Variants in HMCN2 observed in about 807,000 individuals in gnomAD.
HMCN2 encodes the protein hemicentin 2, also known as hemicentin-2.
A neutral mutation model predicts 377.5 loss-of-function variants in HMCN2; 325 were observed. That is an observed-to-expected ratio of 0.86 (90% CI 0.79 to 0.94). HMCN2 has a LOEUF of 0.94. Ranked by LOEUF, HMCN2 falls within the 40% of genes least tolerant of loss-of-function variation. The pLI is 0.00. For synonymous variants in HMCN2, 2,007 were observed against 2,046.8 expected, an observed-to-expected ratio of 0.98 and a Z score of 0.53; for missense variants, 4,543 against 4,725.3, an observed-to-expected ratio of 0.96 and a Z score of 1.13.
At chr9:130,348,256 G>A (rs1198186416) in intron 26 of HMCN2, among the ~76,000 whole-genome samples, 2 of 152,256 alleles carry the variant, frequency 1.3e-5, no homozygotes, top group African/African-American at 2.4e-5. Flanking sequence ...TGTGACACCA[G>A]GTTGGGTGTA....
chr9:130,341,930 A>G lies in HMCN2; in HGVS notation c.3743-420A>G, dbSNP rs1839071037. On this transcript the variant is annotated intron_variant, in intron 24 of 97. Coordinates refer to ENST00000683500, the MANE Select transcript of HMCN2 (RefSeq NM_001291815.2). ...GTGGCTCATGCCTGTAATCCCAGCAATTTGGGAGGCCGAGGTGGGTGGATC... is the reference window on the plus strand; with the variant it reads ...GTGGCTCATGCCTGTAATCCCAGCAGTTTGGGAGGCCGAGGTGGGTGGATC... Among the ~76,000 whole-genome samples the G allele has an allele frequency of 2.0e-5, 3 of 151,926 alleles. No homozygotes were observed. The South Asian group carries it at 6.2e-4, about 32-fold the overall frequency.
In HMCN2 at chr9:130,367,110, G is replaced by T. The variant is rs944763953; in HGVS notation, c.6625+1115G>T. Among the ~76,000 whole-genome samples the T allele has an allele frequency of 4.3e-4, 66 of 152,238 alleles. 2 individuals are homozygous for T. Among genetic ancestry groups the T allele is most frequent in the Middle Eastern group, 3.4e-3 (1 of 294 alleles). Reference sequence around the variant, plus strand: ...CCTGGGGCAGGAATGCTGGTTGGATGGGGGAATGAGAGGAGGCAGGGAATC... The same window carrying T: ...CCTGGGGCAGGAATGCTGGTTGGATTGGGGAATGAGAGGAGGCAGGGAATC... On this transcript the variant is annotated intron_variant, in intron 43 of 97. Transcript: ENST00000683500.
At chr9:130,284,141 T>G (rs575691078) in intron 1 of HMCN2, among the ~76,000 whole-genome samples, 1 of 152,342 alleles carries the variant, frequency 6.6e-6, no homozygotes, top group Non-Finnish European at 1.5e-5. Flanking sequence ...TAGATGGGGT[T>G]TCTGGAAGGT....
chr9:130,307,798 A>G (rs533737316), intron 14 of HMCN2, among the ~76,000 whole-genome samples: 3 of 152,240 alleles, frequency 2.0e-5, no homozygotes, highest in African/African-American at 7.2e-5. Flanking sequence ...AGCCAGGCCC[A>G]GATTTGAATT....
intron 83 of HMCN2, among the ~76,000 whole-genome samples, chr9:130,408,272 A>G (rs56943526): frequency 0.014 from 2,088 of 152,332 alleles, 48 homozygotes; most frequent in African/African-American, 0.048. Context: ...AAGCCAGTCC[A>G]GAGCATCGAA....
intron 85 of HMCN2, 106 bp from the exon 86 acceptor site, chr9:130,418,663 TTTC>T (rs1843820354): frequency 2.0e-6 from 2 of 985,152 alleles, no homozygotes; most frequent in Non-Finnish European, 2.8e-6. Context: ...CAGTTCTTAT[TTTC>T]TTCTTTCTGC....
rs1844929668 is a variant in HMCN2 at position 130,433,909 on chromosome 9, G to A, written c.*216G>A. On this transcript the variant is annotated 3_prime_UTR_variant, in exon 98 of 98. Coordinates refer to ENST00000683500, the MANE Select transcript of HMCN2 (RefSeq NM_001291815.2). Reference sequence around the variant, plus strand: ...GGGAGGCGTCCAGGGCGGCCCTTGGGTGGCCAGTCCCGCAGGCAGGGCCCG... The same window carrying A: ...GGGAGGCGTCCAGGGCGGCCCTTGGATGGCCAGTCCCGCAGGCAGGGCCCG... 2.1e-6 allele frequency: 1 copy of A among 479,718 alleles called. No individual in the cohort carries two copies. Among genetic ancestry groups the A allele is most frequent in the South Asian group, 3.8e-5 (1 of 25,982 alleles). The allele number at this position is 479,718 out of a possible 1,614,324, so 29.7% of individuals were successfully genotyped here.
In HMCN2 at chr9:130,418,878, G is replaced by A; in HGVS notation, c.13068G>A (p.Trp4356Ter). Residue 4356 changes from tryptophan to a stop codon, truncating the protein, a stop_gained, in exon 86 of 98, where the codon TGG becomes TGA. Coordinates refer to ENST00000683500, the MANE Select transcript of HMCN2 (RefSeq NM_001291815.2). LOFTEE classifies it high-confidence loss of function. ...ATGEPTPTIE[W>*]LQAGQPLRAS... ...GAGAGCCCACACCCACCATTGAATG[G>A]CTACAGGCGGGTCAACCCTTGCGGG... 1 of 1,549,900 alleles carries A rather than the reference G, an allele frequency of 6.5e-7. No homozygotes were observed. Among genetic ancestry groups the A allele is most frequent in the Non-Finnish European group, 8.7e-7 (1 of 1,146,532 alleles).
In HMCN2 at chr9:130,272,441, A is replaced by G. The variant is rs952812749; in HGVS notation, c.259+6304A>G. Among the ~76,000 whole-genome samples, 74 of 125,924 alleles carry G rather than the reference A, an allele frequency of 5.9e-4. 1 individual carries two copies. The highest frequency in any genetic ancestry group is 1.8e-3 in the African/African-American group (71 of 39,630). The allele number at this position is 125,924 out of a possible 152,430, so 82.6% of individuals were successfully genotyped here. On this transcript the variant is annotated intron_variant, in intron 1 of 97. Coordinates refer to ENST00000683500, the MANE Select transcript of HMCN2 (RefSeq NM_001291815.2). ...TTTTTAGTAGAGATGGGGTTTCACT[A>G]TGTTGGCCAGGCTGGTCTTGAACTC... is the stretch of plus-strand genomic sequence containing the variant.
At position 130,396,231 on chromosome 9, in the gene HMCN2, C is replaced by A. The variant is rs961103039; in HGVS notation, c.11116C>A (p.Leu3706Met). ...VNVSVNQTAL[L>M]PCQADGVPAP... Reference sequence around the variant, plus strand: ...CGTCTCAGTGAACCAGACAGCCCTGCTGCCTTGCCAGGCCGACGGCGTGCC... The same window carrying A: ...CGTCTCAGTGAACCAGACAGCCCTGATGCCTTGCCAGGCCGACGGCGTGCC... The change falls in exon 73 of 98, where the codon CTG becomes ATG. Residue 3706 changes from leucine to methionine, a missense_variant. This residue lies in a region of HMCN2 where 1,073 missense variants were observed against 1,319.5 expected (regional missense o/e 0.81). Transcript: ENST00000683500. 3.1e-6 allele frequency: 4 copies of A among 1,287,054 alleles called. No individual in the cohort carries two copies. The highest frequency in any genetic ancestry group is 5.6e-5 in the East Asian group (1 of 17,914). The allele number at this position is 1,287,054 out of a possible 1,614,324, so 79.7% of individuals were successfully genotyped here. A position where few individuals can be genotyped will look rare whatever the true frequency, so the allele number is the denominator to read the frequency against.
intron 14 of HMCN2, among the ~76,000 whole-genome samples, chr9:130,307,811 G>A (rs1836968827): frequency 6.6e-6 from 1 of 152,132 alleles, no homozygotes; most frequent in Non-Finnish European, 1.5e-5. Flanking sequence ...TTTGAATTCC[G>A]GCTTCCCTGG....
chr9:130,270,275 TTTTG>T lies in HMCN2; in HGVS notation c.259+4158_259+4161del, dbSNP rs201505958. On this transcript the variant is annotated intron_variant, in intron 1 of 97. Coordinates refer to ENST00000683500, the MANE Select transcript of HMCN2 (RefSeq NM_001291815.2). ...TCACTTAGGTGCTTATAAAGGTTTTTTTTGTTTGTTTGTTTGTTTGTTTTTTTTT... is the reference window on the plus strand; with the variant it reads ...TCACTTAGGTGCTTATAAAGGTTTTTTTTGTTTGTTTGTTTGTTTTTTTTT... 9.3e-4 allele frequency among the ~76,000 whole-genome samples: 123 copies of T among 131,636 alleles called. 8 individuals carry two copies. The highest frequency in any genetic ancestry group is 1.6e-3 in the Non-Finnish European group (98 of 60,306). 86.4% of individuals were successfully genotyped at this position (131,636 alleles called of 152,430 possible). A position where few individuals can be genotyped will look rare whatever the true frequency, so the allele number is the denominator to read the frequency against.
intron 94 of HMCN2, chr9:130,430,038 G>C: frequency 1.7e-6 from 1 of 602,142 alleles, no homozygotes; most frequent in Non-Finnish European, 2.9e-6. Context: ...GAAGGGCTGA[G>C]GGGGAGCTGG....
chr9:130,335,821 A>G lies in HMCN2; in HGVS notation c.3360-2073A>G, dbSNP rs940345731. Among the ~76,000 whole-genome samples, 1,354 of 152,304 alleles carry G rather than the reference A, an allele frequency of 8.9e-3. 26 individuals are homozygous for G. Among genetic ancestry groups the G allele is most frequent in the African/African-American group, 0.031 (1,296 of 41,558 alleles). On this transcript the variant is annotated intron_variant, in intron 22 of 97. Coordinates refer to ENST00000683500, the MANE Select transcript of HMCN2 (RefSeq NM_001291815.2). ...GCTCTGCCATGCTGCTTCTTGGGGA[A>G]GGGGCACGTCTTCATGTCCTCAGGC...
intron 8 of HMCN2, among the ~76,000 whole-genome samples, chr9:130,299,571 T>TCACTCACCCACCCATC (rs1836364554): frequency 6.6e-6 from 1 of 151,394 alleles, no homozygotes; most frequent in Non-Finnish European, 1.5e-5. Context: ...ACTGACCCAT[T>TCACTCACCCACCCATC]CACTCACCCA....
At chr9:130,277,444 T>G (rs1834754377) in intron 1 of HMCN2, among the ~76,000 whole-genome samples, 1 of 152,194 alleles carries the variant, frequency 6.6e-6, no homozygotes, top group Admixed American at 6.5e-5. Flanking sequence ...GGTTGACAGC[T>G]TGCAACTGGG....
chr9:130,432,896 G>GT, intron 97 of HMCN2: 1 of 377,030 alleles, frequency 2.7e-6, no homozygotes, highest in Non-Finnish European at 4.8e-6. Flanking sequence ...GGCAGCTGCT[G>GT]CCCTGGAAAG....
chr9:130,359,908 G>A (rs1840270158), intron 37 of HMCN2, among the ~76,000 whole-genome samples: 2 of 152,292 alleles, frequency 1.3e-5, no homozygotes, highest in East Asian at 1.9e-4. Flanking sequence ...CCTCTCGTGG[G>A]GATGCCTGCT....
rs745807935 is a variant in HMCN2 at position 130,418,838 on chromosome 9, G to T, written c.13028G>T (p.Arg4343Leu). The T allele has an allele frequency of 6.5e-7, 1 of 1,541,514 alleles. No individual in the cohort carries two copies. The highest frequency in any genetic ancestry group is 1.7e-4 in the Middle Eastern group (1 of 5,954). ...AGATCTGGGGATGACGTGGCCCTGC[G>T]GTGCCAGGCCACTGGAGAGCCCACA... ...TVRSGDDVAL[R>L]CQATGEPTPT... The change falls in exon 86 of 98, where the codon CGG (arginine) becomes CTG (leucine). Residue 4343 changes from arginine to leucine, a missense_variant. Coordinates refer to ENST00000683500, the MANE Select transcript of HMCN2 (RefSeq NM_001291815.2).
Sources: allele counts gnomAD v4.1 joint callset (sites outside exome capture counted in the v4.1 genomes callset), GRCh38; gene constraint gnomAD v4.1.1; regional missense constraint gnomAD v4.1.1; transcripts MANE v1.5; gene names NCBI Gene and HGNC (gene_info 2026-07-23, HGNC 2026-07-21).